ZC3H11A: variants seen among roughly 807,000 people sequenced by gnomAD.
The protein encoded by ZC3H11A is zinc finger CCCH-type containing 11A, also known as zinc finger CCCH domain-containing protein 11A.
Under a neutral mutation model 90.8 loss-of-function variants are expected in ZC3H11A, and 22 were observed. The observed-to-expected ratio is 0.24, with a 90% CI of 0.17 to 0.35. The LOEUF (loss-of-function observed/expected upper bound fraction) is 0.35, where lower values mean the gene tolerates loss of function less well. Among genes scored for constraint, ZC3H11A ranks in the 10% least tolerant of loss-of-function variants. The pLI is 1.00. For synonymous variants in ZC3H11A, 294 were observed against 339.8 expected (o/e 0.87, Z 1.48); for missense variants, 701 against 964.9 (o/e 0.73, Z 3.62).
At chr1:203,850,270 T>C in intron 15 of ZC3H11A, 1 of 655,740 alleles carries the variant, frequency 1.5e-6, no homozygotes, top group African/African-American at 1.8e-5. Flanking sequence ...TTTCCTCTGG[T>C]ATTGAATAAA....
intron 1 of ZC3H11A, chr1:203,801,307 C>G (rs1370528941): frequency 6.6e-6 from 1 of 152,098 alleles, no homozygotes; most frequent in Non-Finnish European, 1.5e-5. Context: ...TAAAAACATA[C>G]TTAATGACCC....
chr1:203,851,995 A>T (rs1272383682), intron 17 of ZC3H11A, 146 bp from the exon 18 acceptor site: 5 of 333,120 alleles, frequency 1.5e-5, no homozygotes, highest in Admixed American at 5.5e-5. Flanking sequence ...AAAAAAAAAA[A>T]GCTTGATCCC....
chr1:203,828,454 C>G, intron 5 of ZC3H11A, 32 bp downstream of exon 5: 1 of 1,574,386 alleles, frequency 6.4e-7, no homozygotes, highest in Non-Finnish European at 8.6e-7. Flanking sequence ...AAAAGAATAT[C>G]AAATGAACAC....
intron 1 of ZC3H11A, chr1:203,797,480 C>A: frequency 2.8e-6 from 4 of 1,447,266 alleles, no homozygotes; most frequent in Non-Finnish European, 3.6e-6. Flanking sequence ...GAGTAATAAA[C>A]CCACTAACAG....
intron 1 of ZC3H11A, chr1:203,799,380 G>T: frequency 1.4e-6 from 1 of 703,318 alleles, no homozygotes; most frequent in Non-Finnish European, 2.6e-6. Flanking sequence ...TAGTCATTCG[G>T]TCAAGGCCCG....
chr1:203,851,423 G>A (rs943439141), intron 17 of ZC3H11A, among the ~76,000 whole-genome samples: 6 of 152,064 alleles, frequency 3.9e-5, no homozygotes, highest in South Asian at 2.1e-4. Flanking sequence ...TCCACTTCCC[G>A]GGTTCAAGCA....
chr1:203,836,339 CTG>C lies in ZC3H11A; in HGVS notation c.875-1623_875-1622del, dbSNP rs1265682112. Among the ~76,000 whole-genome samples, 6 of 152,226 alleles carry C rather than the reference CTG, an allele frequency of 3.9e-5. No individual in the cohort carries two copies. The East Asian group carries it at 9.6e-4, about 24-fold the overall frequency. ...ATGAGGGGAGAGAAACAATCATACT[CTG>C]TGTAGGGTCTTTTGAAGCTTTGATA... is the stretch of plus-strand genomic sequence containing the variant. On this transcript the variant is annotated intron_variant, in intron 10 of 17. Transcript: ENST00000367210.
chr1:203,826,766 CG>C (rs1021837639), intron 4 of ZC3H11A, among the ~76,000 whole-genome samples: 1 of 152,120 alleles, frequency 6.6e-6, no homozygotes, highest in African/African-American at 2.4e-5. Flanking sequence ...TGCAGTTCAT[CG>C]GAGGTTAGTT....
intron 2 of ZC3H11A, among the ~76,000 whole-genome samples, chr1:203,812,174 G>A (rs1674703572): frequency 6.6e-6 from 1 of 152,070 alleles, no homozygotes; most frequent in African/African-American, 2.4e-5. Context: ...TTGTTACACA[G>A]GTAAATGTGT....
At chr1:203,798,237 G>C (rs890271721) in intron 1 of ZC3H11A, 4 of 1,536,100 alleles carry the variant, frequency 2.6e-6, no homozygotes, top group Admixed American at 2.0e-5. Flanking sequence ...AGCATCTGAT[G>C]CCCTAAGGGC....
At chr1:203,827,332 T>C (rs1408337631) in intron 4 of ZC3H11A, among the ~76,000 whole-genome samples, 3 of 152,046 alleles carry the variant, frequency 2.0e-5, no homozygotes, top group African/African-American at 7.2e-5. Flanking sequence ...TTTATTCTAT[T>C]CTAGATGCAC....
In ZC3H11A at chr1:203,850,683, TAAG is replaced by T; in HGVS notation, c.2106+6_2106+8del. ...CCCCCAGCCAAAAAGGCAGCTGTGG[TAAG>T]AAGTATATTCACTTTGTGGTGCTTT... On this transcript the variant is annotated splice_donor_5th_base_variant and intron_variant, in intron 16 of 17. Coordinates refer to ENST00000367210, the MANE Select transcript of ZC3H11A (RefSeq NM_001376342.1). 6.2e-7 allele frequency: 1 copy of T among 1,613,380 alleles called. No individual in the cohort carries two copies. Among genetic ancestry groups the T allele is most frequent in the East Asian group, 2.2e-5 (1 of 44,878 alleles).
Position 203,798,704 on chromosome 1 carries a change from G to A in ZC3H11A, c.-1587-2871G>A, listed in dbSNP as rs762102398. ...CAGAGCAAGGCACTCTGATGCGTGC[G>A]CAGGAGAGAGAAACAACATGTTGTG... On this transcript the variant is annotated intron_variant, in intron 1 of 17. Coordinates refer to ENST00000367210, the MANE Select transcript of ZC3H11A (RefSeq NM_001376342.1). The A allele has an allele frequency of 3.1e-5, 48 of 1,535,976 alleles. No homozygotes were observed. The Middle Eastern group carries it at 6.7e-4, about 21-fold the overall frequency.
intron 2 of ZC3H11A, among the ~76,000 whole-genome samples, chr1:203,811,431 CCGGTAA>C (rs1249199548): frequency 6.6e-5 from 10 of 152,200 alleles, no homozygotes. Flanking sequence ...CTTTCTAAAA[CCGGTAA>C]CAGTTTCAAA....
At chr1:203,832,782 C>G (rs1389818196) in intron 9 of ZC3H11A, among the ~76,000 whole-genome samples, 1 of 152,170 alleles carries the variant, frequency 6.6e-6, no homozygotes, top group East Asian at 1.9e-4. Flanking sequence ...TCACTTCTTC[C>G]TGAGGTGATC....
intron 15 of ZC3H11A, 107 bp downstream of exon 15, chr1:203,850,133 C>A: frequency 1.1e-6 from 1 of 938,486 alleles, no homozygotes; most frequent in Non-Finnish European, 1.6e-6. Context: ...TTTCATTTGC[C>A]TTCTATCCAC....
intron 12 of ZC3H11A, among the ~76,000 whole-genome samples, chr1:203,842,469 G>A (rs186522199): frequency 3.3e-3 from 502 of 152,088 alleles, no homozygotes; most frequent in Non-Finnish European, 4.8e-3. Flanking sequence ...GTGGCGGCGC[G>A]CGCCTGCAAT....
rs148317664 is a variant in ZC3H11A at position 203,844,197 on chromosome 1, T to G, written c.1043-2987T>G. Among the ~76,000 whole-genome samples, 897 of 151,664 alleles carry G rather than the reference T, an allele frequency of 5.9e-3. 11 individuals carry two copies. Among genetic ancestry groups the G allele is most frequent in the African/African-American group, 0.018 (751 of 41,316 alleles). On this transcript the variant is annotated intron_variant, in intron 12 of 17. Coordinates refer to ENST00000367210, the MANE Select transcript of ZC3H11A (RefSeq NM_001376342.1). Reference sequence around the variant, plus strand: ...ATTTTTGTTTGAGACAGAGTCTCACTCTCATCCAGGCTGGAGTGCAGTGGC... The same window carrying G: ...ATTTTTGTTTGAGACAGAGTCTCACGCTCATCCAGGCTGGAGTGCAGTGGC...
In ZC3H11A at chr1:203,842,921, C is replaced by T. The variant is rs975509394; in HGVS notation, c.1042+2547C>T. ...ATGAACATCCATGTATTCAGCCTTC[C>T]GTCTTTTTTTTTTTAATACCTTGCT... On this transcript the variant is annotated intron_variant, in intron 12 of 17. Transcript: ENST00000367210. 1.6e-4 allele frequency among the ~76,000 whole-genome samples: 11 copies of T among 69,488 alleles called. 1 individual carries two copies. The South Asian group carries it at 2.0e-3, about 13-fold the overall frequency. 45.6% of individuals were successfully genotyped at this position (69,488 alleles called of 152,430 possible). A position where few individuals can be genotyped will look rare whatever the true frequency, so the allele number is the denominator to read the frequency against.
Sources: gnomAD v4.1 joint callset for allele counts (sites outside exome capture counted in the v4.1 genomes callset) on GRCh38, gnomAD v4.1.1 for gene constraint, MANE v1.5 for transcripts, NCBI Gene and HGNC (gene_info 2026-07-23, HGNC 2026-07-21) for gene names.